SGCE: variants seen among roughly 807,000 people sequenced by gnomAD.
SGCE encodes the protein sarcoglycan epsilon.
A neutral mutation model predicts 57.8 loss-of-function variants in SGCE; 26 were observed. The observed-to-expected ratio is 0.45, with a 90% CI of 0.33 to 0.62. The LOEUF is 0.62. Ranked by LOEUF, SGCE falls within the 20% of genes least tolerant of loss-of-function variation. The probability of loss-of-function intolerance (pLI) is 0.02; values close to 1 mark genes in which losing one functional copy is unlikely to be tolerated. For synonymous variants in SGCE, 183 were observed against 189.5 expected, an observed-to-expected ratio of 0.97 and a Z score of 0.28; for missense variants, 468 against 548.6, an observed-to-expected ratio of 0.85 and a Z score of 1.47.
intron 4 of SGCE, 114 bp from the exon 5 acceptor site, chr7:94,619,070 C>G (rs1179223635): frequency 5.2e-6 from 4 of 764,556 alleles, no homozygotes; most frequent in Non-Finnish European, 9.3e-6. Flanking sequence ...CAGCAGGAAG[C>G]AATATTAATA....
At chr7:94,643,002 T>C (rs1806606212) in intron 1 of SGCE, among the ~76,000 whole-genome samples, 1 of 152,222 alleles carries the variant, frequency 6.6e-6, no homozygotes, top group African/African-American at 2.4e-5. Flanking sequence ...GAACTCTCCA[T>C]TTCTCCATGA....
chr7:94,631,598 T>G (rs1368590744), intron 1 of SGCE, among the ~76,000 whole-genome samples: 1 of 151,988 alleles, frequency 6.6e-6, no homozygotes, highest in Non-Finnish European at 1.5e-5. Context: ...ATGTGGAATT[T>G]CAGCATTTCA....
chr7:94,587,507 G>A (rs1797065227), intron 10 of SGCE: 2 of 1,296,522 alleles, frequency 1.5e-6, no homozygotes, highest in Admixed American at 4.2e-5. Flanking sequence ...TATTCTTTTA[G>A]AAATTTTCCT....
chr7:94,591,528 G>A (rs772409753), intron 9 of SGCE, among the ~76,000 whole-genome samples: 1 of 152,142 alleles, frequency 6.6e-6, no homozygotes, highest in East Asian at 1.9e-4. Context: ...TCTAACATAG[G>A]TAGTGGTTAG....
At chr7:94,595,211 A>G (rs1165103583) in intron 9 of SGCE, among the ~76,000 whole-genome samples, 1 of 152,182 alleles carries the variant, frequency 6.6e-6, no homozygotes, top group Non-Finnish European at 1.5e-5. Context: ...AGAAAATATT[A>G]CTATGTAATT....
intron 5 of SGCE, among the ~76,000 whole-genome samples, chr7:94,612,311 T>G (rs568617535): frequency 1.4e-4 from 21 of 152,186 alleles, no homozygotes; most frequent in Non-Finnish European, 2.5e-4. Context: ...ACCTGAGGTA[T>G]AAAAACAAAA....
At chr7:94,623,982 A>C (rs1448902096) in intron 3 of SGCE, 1 of 386,188 alleles carries the variant, frequency 2.6e-6, no homozygotes, top group Non-Finnish European at 4.6e-6. Flanking sequence ...CAATCCCTTC[A>C]TACGGGCAAA....
chr7:94,604,846 T>TAA (rs1799838743), intron 5 of SGCE, among the ~76,000 whole-genome samples: 1 of 84,910 alleles, frequency 1.2e-5, no homozygotes, highest in Non-Finnish European at 2.5e-5. Flanking sequence ...TATATATATA[T>TAA]ATATATATAT....
At chr7:94,601,612 A>G (rs1392052034) in intron 6 of SGCE, among the ~76,000 whole-genome samples, 1 of 152,090 alleles carries the variant, frequency 6.6e-6, no homozygotes, top group African/African-American at 2.4e-5. Flanking sequence ...TACATTTGCT[A>G]CTAAAATAAA....
chr7:94,648,581 G>A (rs1807444439), intron 1 of SGCE, among the ~76,000 whole-genome samples: 1 of 152,092 alleles, frequency 6.6e-6, no homozygotes. Context: ...ATTCTGATAA[G>A]CACATGTAGT....
intron 1 of SGCE, among the ~76,000 whole-genome samples, chr7:94,632,582 T>G (rs1462258978): frequency 6.6e-6 from 1 of 152,138 alleles, no homozygotes; most frequent in East Asian, 1.9e-4. Flanking sequence ...TACAGATGTA[T>G]GACACATTCA....
At chr7:94,600,417 T>C in intron 7 of SGCE, 2 of 491,492 alleles carry the variant, frequency 4.1e-6, no homozygotes, top group Non-Finnish European at 7.3e-6. Flanking sequence ...TGAATTTACA[T>C]CTAGCCTTAA....
At chr7:94,594,068 C>G (rs10499905) in intron 9 of SGCE, among the ~76,000 whole-genome samples, 1 of 151,972 alleles carries the variant, frequency 6.6e-6, no homozygotes, top group African/African-American at 2.4e-5. Flanking sequence ...TCTCTCTTGA[C>G]GTTCCTTTGA....
At chr7:94,615,365 AATAG>A (rs3045711) in intron 5 of SGCE, among the ~76,000 whole-genome samples, 53,742 of 141,920 alleles carry the variant, frequency 0.38, 10,331 homozygotes, top group East Asian at 0.4. Flanking sequence ...TCTCAAAATA[AATAG>A]ATAGATAGAT....
chr7:94,614,106 T>TAAAAAAAAAAAAAAAAAAAAA (rs1562832897), intron 5 of SGCE, among the ~76,000 whole-genome samples: 2 of 55,170 alleles, frequency 3.6e-5, no homozygotes, highest in Non-Finnish European at 3.4e-5. Context: ...CAAATTGAAA[T>TAAAAAAAAAAAAAAAAAAAAA]CAAAAAAAAA....
At chr7:94,647,757 CT>C (rs2117081804) in intron 1 of SGCE, among the ~76,000 whole-genome samples, 1 of 152,278 alleles carries the variant, frequency 6.6e-6, no homozygotes, top group South Asian at 2.1e-4. Context: ...AGAGGTCTTC[CT>C]TTTACCTCAT....
intron 1 of SGCE, among the ~76,000 whole-genome samples, chr7:94,636,003 T>C (rs1805550949): frequency 6.6e-6 from 1 of 152,192 alleles, no homozygotes; most frequent in Non-Finnish European, 1.5e-5. Flanking sequence ...AGTGTCTTTG[T>C]AAACTTCATT....
intron 5 of SGCE, among the ~76,000 whole-genome samples, chr7:94,607,175 A>G (rs1324402218): frequency 6.6e-6 from 1 of 152,190 alleles, no homozygotes; most frequent in African/African-American, 2.4e-5. Context: ...TCTAAAGCAG[A>G]AAGCATCAGG....
intron 1 of SGCE, among the ~76,000 whole-genome samples, chr7:94,655,087 A>C (rs532850154): frequency 6.6e-6 from 1 of 152,360 alleles, no homozygotes; most frequent in South Asian, 2.1e-4. Context: ...TTGTGGCCGA[A>C]TCTCGGCAAC....
Sources: gnomAD v4.1 joint callset for allele counts (sites outside exome capture counted in the v4.1 genomes callset) on GRCh38, gnomAD v4.1.1 for gene constraint, MANE v1.5 for transcripts, NCBI Gene and HGNC (gene_info 2026-07-23, HGNC 2026-07-21) for gene names.